The following TSHZ3 variants were observed in gnomAD, a reference collection of about 807,000 sequenced individuals.
TSHZ3 encodes teashirt homolog 3.
In TSHZ3, 10 loss-of-function variants were observed where a neutral mutation model predicts 64.5. The ratio of observed to expected loss-of-function variants is 0.16; its 90% CI spans 0.10 to 0.26. TSHZ3 has a LOEUF of 0.26. TSHZ3 is among the 10% of genes least tolerant of loss of function. TSHZ3 has a pLI of 1.00. For missense variants in TSHZ3, 1,242 were observed against 1,421.7 expected, an observed-to-expected ratio of 0.87 and a Z score of 2.03; for synonymous variants, 608 against 593.1, an observed-to-expected ratio of 1.03 and a Z score of -0.36.
intron 5 of TSHZ3, among the ~76,000 whole-genome samples, chr19:31,201,519 GA>G (rs1321879169): frequency 2.6e-5 from 4 of 152,212 alleles, no homozygotes; most frequent in South Asian, 2.1e-4. Flanking sequence ...TGATTTTGGG[GA>G]AAAAAACTGA....
rs560795739 is a variant in TSHZ3 at position 31,349,128 on chromosome 19, C to G, written c.40+52G>C. 4.6e-6 allele frequency: 7 copies of G among 1,521,664 alleles called. No homozygotes were observed. In the South Asian group the frequency reaches 6.1e-5, roughly 13 times the overall value. 94.3% of individuals were successfully genotyped at this position (1,521,664 alleles called of 1,614,324 possible). ...GGTCGCGCCCGCTGGAGGCGCGGGG[C>G]GAGCGGAGGAAGAGGAGGAGGAGAG... On this transcript the variant is annotated intron_variant, in intron 1 of 1. Coordinates refer to ENST00000240587, the MANE Select transcript of TSHZ3 (RefSeq NM_020856.4).
At chr19:31,265,459 G>T (rs1301944799) in intron 1 of TSHZ3, among the ~76,000 whole-genome samples, 2 of 126,414 alleles carry the variant, frequency 1.6e-5, no homozygotes, top group Admixed American at 7.7e-5. Flanking sequence ...GAAAAGAAAA[G>T]AAAATCCCAT....
chr19:31,166,736 T>C (rs1330668964), intron 5 of TSHZ3, among the ~76,000 whole-genome samples: 2 of 152,180 alleles, frequency 1.3e-5, no homozygotes, highest in Non-Finnish European at 2.9e-5. Context: ...CTGCAACTGC[T>C]ACAACCAATA....
At chr19:31,220,348 G>A (rs865840891) in intron 4 of TSHZ3, among the ~76,000 whole-genome samples, 5 of 152,170 alleles carry the variant, frequency 3.3e-5, no homozygotes, top group Admixed American at 6.5e-5. Flanking sequence ...GCCCCATGAT[G>A]GTATGGGAGA....
chr19:31,342,667 T>A (rs2145199101), intron 1 of TSHZ3, among the ~76,000 whole-genome samples: 1 of 152,356 alleles, frequency 6.6e-6, no homozygotes, highest in East Asian at 1.9e-4. Flanking sequence ...ATGATGGGAA[T>A]GGAAAATCAA....
intron 3 of TSHZ3, among the ~76,000 whole-genome samples, chr19:31,229,527 C>G (rs1046132902): frequency 6.6e-6 from 1 of 152,090 alleles, no homozygotes; most frequent in African/African-American, 2.4e-5. Flanking sequence ...AATACATATA[C>G]AAATGAACTA....
chr19:31,246,186 T>C (rs1975755790), intron 1 of TSHZ3, among the ~76,000 whole-genome samples: 1 of 152,204 alleles, frequency 6.6e-6, no homozygotes, highest in Non-Finnish European at 1.5e-5. Flanking sequence ...ATCATTTATA[T>C]AAAAATAAGT....
At chr19:31,173,502 T>G (rs956793338) in intron 5 of TSHZ3, among the ~76,000 whole-genome samples, 5 of 152,248 alleles carry the variant, frequency 3.3e-5, no homozygotes, top group Non-Finnish European at 5.9e-5. Flanking sequence ...GTGAGGAATA[T>G]GCTCAGATGA....
chr19:31,228,857 G>C (rs1975505111), intron 3 of TSHZ3, among the ~76,000 whole-genome samples: 1 of 152,168 alleles, frequency 6.6e-6, no homozygotes, highest in Non-Finnish European at 1.5e-5. Context: ...AACCTTCCTG[G>C]AAGTGAGTGT....
At position 31,279,543 on chromosome 19, in the gene TSHZ3, G is replaced by A; in HGVS notation, c.250C>T (p.Arg84Ter). ...SESHISETSDRMADFESGSIK... is the reference protein window; with the variant it reads ...SESHISETSD Reference sequence around the variant, plus strand: ...GAGCCGCTTTCAAAGTCAGCCATTCGGTCACTGGTCTCACTGATGTGTGAC... The same window carrying A: ...GAGCCGCTTTCAAAGTCAGCCATTCAGTCACTGGTCTCACTGATGTGTGAC... Residue 84 changes from arginine (R) to a stop codon, truncating the protein, a stop_gained, in exon 2 of 2, where the codon CGA becomes TGA. Coordinates refer to ENST00000240587, the MANE Select transcript of TSHZ3 (RefSeq NM_020856.4). LOFTEE classifies it high-confidence loss of function. The surrounding 1 kb of genome is among the most constrained non-coding windows in gnomAD (Gnocchi z 6.4). The A allele has an allele frequency of 1.2e-6, 2 of 1,610,210 alleles. No individual in the cohort carries two copies. Among genetic ancestry groups the A allele is most frequent in the Non-Finnish European group, 8.5e-7 (1 of 1,177,126 alleles).
chr19:31,157,225 T>C (rs1199818187), intron 5 of TSHZ3, among the ~76,000 whole-genome samples: 1 of 152,184 alleles, frequency 6.6e-6, no homozygotes, highest in Non-Finnish European at 1.5e-5. Flanking sequence ...CTATCTACTG[T>C]CACTAGAACA....
At chr19:31,164,853 C>T (rs2145107344) in intron 5 of TSHZ3, among the ~76,000 whole-genome samples, 1 of 152,330 alleles carries the variant, frequency 6.6e-6, no homozygotes, top group African/African-American at 2.4e-5. Flanking sequence ...CACCACCCAT[C>T]GTCTTTGATT....
intron 1 of TSHZ3, among the ~76,000 whole-genome samples, chr19:31,336,482 G>C (rs1917244696): frequency 6.6e-6 from 1 of 152,208 alleles, no homozygotes; most frequent in Non-Finnish European, 1.5e-5. Flanking sequence ...CAAGAGGCCA[G>C]AGGAGATGCA....
chr19:31,334,108 A>G lies in TSHZ3; in HGVS notation c.40+15072T>C, dbSNP rs1211530636. Among the ~76,000 whole-genome samples the G allele has an allele frequency of 3.9e-5, 6 of 152,184 alleles. No homozygotes were observed. The East Asian group carries it at 9.7e-4, about 25-fold the overall frequency. On this transcript the variant is annotated intron_variant, in intron 1 of 1. Transcript: ENST00000240587. The stretch of plus-strand genomic sequence containing the variant: ...TTTATTTTCCTTTGCCCAGCTGACT[A>G]CGTGTTTGTTCTATTAGTTATTCAC...
chr19:31,149,914 A>G (rs1312318430), downstream of TSHZ3, among the ~76,000 whole-genome samples: 15 of 152,132 alleles, frequency 9.9e-5, no homozygotes, highest in Non-Finnish European at 1.8e-4. Context: ...GGGAGTGGGG[A>G]ACAGATTAAA....
At chr19:31,293,422 C>T (rs1333914331) in intron 1 of TSHZ3, among the ~76,000 whole-genome samples, 1 of 152,196 alleles carries the variant, frequency 6.6e-6, no homozygotes. Context: ...CTGCCCCCTC[C>T]ACACACAGAG....
At chr19:31,336,154 T>A (rs1244000876) in intron 1 of TSHZ3, among the ~76,000 whole-genome samples, 1 of 151,982 alleles carries the variant, frequency 6.6e-6, no homozygotes, top group Non-Finnish European at 1.5e-5. Context: ...TGTTTCAGGG[T>A]TTGCAGCATA....
At chr19:31,336,428 AGGAT>A (rs995993691) in intron 1 of TSHZ3, among the ~76,000 whole-genome samples, 1 of 152,188 alleles carries the variant, frequency 6.6e-6, no homozygotes, top group African/African-American at 2.4e-5. Flanking sequence ...GATTCGAAGT[AGGAT>A]GGATGGATTC....
At chr19:31,151,155 G>A (rs924190569) in exon 7 of TSHZ3, among the ~76,000 whole-genome samples, 1 of 152,184 alleles carries the variant, frequency 6.6e-6, no homozygotes, top group African/African-American at 2.4e-5. Flanking sequence ...AAAGAGAGGA[G>A]GCAGGCGGAC....
Sources: gnomAD v4.1 joint callset for allele counts (sites outside exome capture counted in the v4.1 genomes callset) on GRCh38, gnomAD v4.1.1 for gene constraint, Gnocchi (gnomAD v3.1) non-coding constraint, MANE v1.5 for transcripts, NCBI Gene and HGNC (gene_info 2026-07-23, HGNC 2026-07-21) for gene names.